Variants in GRID2 observed in about 807,000 individuals in gnomAD.
The protein encoded by GRID2 is glutamate receptor ionotropic, delta-2.
Under a neutral mutation model 114.8 loss-of-function variants are expected in GRID2, and 33 were observed. The observed-to-expected ratio is 0.29, with a 90% CI of 0.22 to 0.38. The LOEUF is 0.38. Ranked by LOEUF, GRID2 falls within the 10% of genes least tolerant of loss-of-function variation. GRID2 has a pLI of 1.00. For missense variants in GRID2, 1,184 were observed against 1,257.7 expected, an observed-to-expected ratio of 0.94 and a Z score of 0.89; for synonymous variants, 505 against 449.9, an observed-to-expected ratio of 1.12 and a Z score of -1.55.
At chr4:93,506,068 T>G (rs1445013434) in intron 12 of GRID2, among the ~76,000 whole-genome samples, 1 of 152,170 alleles carries the variant, frequency 6.6e-6, no homozygotes, top group Non-Finnish European at 1.5e-5. Context: ...TGTCCACATA[T>G]CTGAACTAAC....
intron 8 of GRID2, among the ~76,000 whole-genome samples, chr4:93,340,627 C>T (rs760548384): frequency 1.3e-5 from 2 of 152,070 alleles, no homozygotes; most frequent in Non-Finnish European, 2.9e-5. Context: ...ACTAGTTCCT[C>T]TTTAAAGTGA....
rs1024326596 is a variant in GRID2, at chr4:93,723,646, C to T, written c.2361-45564C>T. 2.6e-4 allele frequency among the ~76,000 whole-genome samples: 39 copies of T among 152,058 alleles called. 1 individual carries two copies. The highest frequency in any genetic ancestry group is 9.4e-4 in the African/African-American group (39 of 41,404). ...GGCTTTTATGAACTTACTATTTCCC[C>T]CAGGGGATATAAAGATACCATCAAT... On this transcript the variant is annotated intron_variant, in intron 14 of 15. Transcript: ENST00000282020.
chr4:92,761,988 G>A (rs1738033083), intron 2 of GRID2, among the ~76,000 whole-genome samples: 1 of 152,048 alleles, frequency 6.6e-6, no homozygotes, highest in South Asian at 2.1e-4. Context: ...GAGTGCAGTG[G>A]CACAATCTTG....
At chr4:92,654,215 C>A (rs1475181754) in intron 2 of GRID2, among the ~76,000 whole-genome samples, 1 of 151,860 alleles carries the variant, frequency 6.6e-6, no homozygotes, top group Non-Finnish European at 1.5e-5. Context: ...TTGGTGAGGG[C>A]CCACTTCCTG....
chr4:93,257,620 A>G (rs1358115355), intron 8 of GRID2, among the ~76,000 whole-genome samples: 1 of 151,670 alleles, frequency 6.6e-6, no homozygotes, highest in Non-Finnish European at 1.5e-5. Flanking sequence ...CCATTTATCA[A>G]AAAGAAGTAT....
At chr4:93,438,287 G>A (rs1721297881) in intron 10 of GRID2, among the ~76,000 whole-genome samples, 1 of 152,080 alleles carries the variant, frequency 6.6e-6, no homozygotes, top group African/African-American at 2.4e-5. Context: ...AGGGTGCCAT[G>A]GCAACCCAGG....
At chr4:92,667,918 C>T (rs1732869928) in intron 2 of GRID2, among the ~76,000 whole-genome samples, 1 of 151,748 alleles carries the variant, frequency 6.6e-6, no homozygotes, top group Non-Finnish European at 1.5e-5. Flanking sequence ...TAATGTAGCC[C>T]TCTTCAAAGA....
intron 8 of GRID2, among the ~76,000 whole-genome samples, chr4:93,360,392 A>G (rs1003746301): frequency 6.6e-6 from 1 of 151,984 alleles, no homozygotes; most frequent in Non-Finnish European, 1.5e-5. Context: ...CTCAATAATG[A>G]TATTTTTAAT....
chr4:93,638,299 A>ATTTTTTTTTTTTTTTTT (rs1446023634), intron 14 of GRID2, among the ~76,000 whole-genome samples: 2 of 84,136 alleles, frequency 2.4e-5, no homozygotes, highest in Non-Finnish European at 4.9e-5. Context: ...TAAAACTTGC[A>ATTTTTTTTTTTTTTTTT]TCTTTTTTTT....
At chr4:92,777,646 G>A (rs1010762046) in intron 2 of GRID2, among the ~76,000 whole-genome samples, 1 of 150,904 alleles carries the variant, frequency 6.6e-6, no homozygotes, top group African/African-American at 2.4e-5. Flanking sequence ...AGTAATGAAG[G>A]TTAAATAAGG....
chr4:93,070,743 TTATC>T (rs1728735794), intron 2 of GRID2, among the ~76,000 whole-genome samples: 1 of 152,096 alleles, frequency 6.6e-6, no homozygotes, highest in African/African-American at 2.4e-5. Context: ...AATTTTAAAA[TTATC>T]TAAAATATAT....
At chr4:92,951,091 A>G (rs1751998540) in intron 2 of GRID2, among the ~76,000 whole-genome samples, 1 of 152,122 alleles carries the variant, frequency 6.6e-6, no homozygotes, top group Non-Finnish European at 1.5e-5. Context: ...TTTGAAATTA[A>G]GGACTAGAAC....
chr4:93,040,069 G>A (rs1330994281), intron 2 of GRID2, among the ~76,000 whole-genome samples: 1 of 152,046 alleles, frequency 6.6e-6, no homozygotes, highest in African/African-American at 2.4e-5. Flanking sequence ...CATTTTCTAT[G>A]TAGTTTAGAT....
chr4:92,776,683 C>T (rs1578177083), intron 2 of GRID2, among the ~76,000 whole-genome samples: 1 of 152,000 alleles, frequency 6.6e-6, no homozygotes, highest in East Asian at 1.9e-4. Flanking sequence ...TGCCTCATTC[C>T]TCTGTAAAGA....
intron 2 of GRID2, among the ~76,000 whole-genome samples, chr4:93,062,607 A>G (rs898883953): frequency 9.2e-5 from 14 of 151,992 alleles, no homozygotes; most frequent in South Asian, 2.1e-4. Flanking sequence ...TTTTGTCTTA[A>G]TCTTTTCATT....
intron 1 of GRID2, among the ~76,000 whole-genome samples, chr4:92,538,529 A>C (rs576036946): frequency 1.3e-5 from 2 of 152,166 alleles, no homozygotes; most frequent in Non-Finnish European, 2.9e-5. Context: ...TCCACAAAGC[A>C]ATTACAAAAG....
chr4:92,492,549 A>G (rs1298136346), intron 1 of GRID2, among the ~76,000 whole-genome samples: 1 of 152,200 alleles, frequency 6.6e-6, no homozygotes, highest in Non-Finnish European at 1.5e-5. Context: ...ATTCTTGGAT[A>G]GAGAACAGAA....
At chr4:93,448,497 A>C (rs1423069739) in intron 10 of GRID2, among the ~76,000 whole-genome samples, 1 of 151,964 alleles carries the variant, frequency 6.6e-6, no homozygotes, top group African/African-American at 2.4e-5. Context: ...GCATACATGG[A>C]ACATTGACAA....
chr4:92,805,631 G>T (rs111322316), intron 2 of GRID2, among the ~76,000 whole-genome samples: 14 of 151,930 alleles, frequency 9.2e-5, no homozygotes, highest in African/African-American at 3.4e-4. Flanking sequence ...CTATTATACG[G>T]TGTTTAAAGG....
Sources: gnomAD v4.1 joint callset for allele counts (sites outside exome capture counted in the v4.1 genomes callset) on GRCh38, gnomAD v4.1.1 for gene constraint, MANE v1.5 for transcripts, NCBI Gene and HGNC (gene_info 2026-07-23, HGNC 2026-07-21) for gene names.